Variants in ASTN2 observed in about 807,000 individuals in gnomAD.
ASTN2 encodes astrotactin-2.
A neutral mutation model predicts 139.8 loss-of-function variants in ASTN2; 54 were observed. The ratio of observed to expected loss-of-function variants is 0.39; its 90% CI spans 0.31 to 0.48. ASTN2 has a LOEUF of 0.48. Ranked by LOEUF, ASTN2 falls within the 20% of genes least tolerant of loss-of-function variation. The pLI, the probability that ASTN2 is intolerant of heterozygous loss-of-function variation, is 0.95. For synonymous variants in ASTN2, 756 were observed against 719.5 expected (o/e 1.05, Z -0.81); for missense variants, 1,565 against 1,725.1 (o/e 0.91, Z 1.64).
chr9:117,064,910 T>G (rs1034345173), intron 5 of ASTN2, among the ~76,000 whole-genome samples: 1 of 152,056 alleles, frequency 6.6e-6, no homozygotes, highest in African/African-American at 2.4e-5. Flanking sequence ...GTGGGTTGAA[T>G]TGTGGCTATT....
At chr9:116,478,231 G>C (rs1849053773) in intron 20 of ASTN2, among the ~76,000 whole-genome samples, 1 of 110,488 alleles carries the variant, frequency 9.1e-6, no homozygotes. Flanking sequence ...GGGGAGTAAG[G>C]GGGGAGGGAG....
intron 10 of ASTN2, among the ~76,000 whole-genome samples, chr9:116,933,526 A>C (rs1011359130): frequency 4.6e-5 from 7 of 152,178 alleles, no homozygotes; most frequent in African/African-American, 1.7e-4. Flanking sequence ...TTAAGGAATT[A>C]AACTACAGCA....
intron 1 of ASTN2, among the ~76,000 whole-genome samples, chr9:117,334,086 T>G (rs1390164889): frequency 6.6e-6 from 1 of 152,160 alleles, no homozygotes; most frequent in East Asian, 1.9e-4. Context: ...TTTTCCACAA[T>G]TAACTTGGTT....
At chr9:117,139,589 T>A (rs1404698620) in intron 4 of ASTN2, among the ~76,000 whole-genome samples, 1 of 152,242 alleles carries the variant, frequency 6.6e-6, no homozygotes, top group South Asian at 2.1e-4. Context: ...TTCAAGATTT[T>A]ACAAGATTAA....
intron 19 of ASTN2, among the ~76,000 whole-genome samples, chr9:116,537,670 A>C (rs1471250708): frequency 6.6e-6 from 1 of 152,218 alleles, no homozygotes; most frequent in Non-Finnish European, 1.5e-5. Flanking sequence ...ATTTGGAAAG[A>C]CCATTCACTG....
chr9:117,398,677 G>A (rs1274050769), intron 1 of ASTN2, among the ~76,000 whole-genome samples: 2 of 152,204 alleles, frequency 1.3e-5, no homozygotes, highest in Admixed American at 6.5e-5. Context: ...CAAACTGTTT[G>A]TCATGGCCAC....
chr9:117,234,371 C>T (rs1588116963), intron 2 of ASTN2, among the ~76,000 whole-genome samples: 1 of 152,208 alleles, frequency 6.6e-6, no homozygotes, highest in Non-Finnish European at 1.5e-5. Flanking sequence ...CTCCACGCCT[C>T]TCCAGCGCCA....
At chr9:116,636,753 G>T (rs1309449415) in intron 17 of ASTN2, among the ~76,000 whole-genome samples, 3 of 152,110 alleles carry the variant, frequency 2.0e-5, no homozygotes, top group Non-Finnish European at 4.4e-5. Flanking sequence ...AATCAGTATG[G>T]CCTGGATAAG....
intron 11 of ASTN2, among the ~76,000 whole-genome samples, chr9:116,828,190 G>A (rs902204208): frequency 1.3e-5 from 2 of 151,926 alleles, no homozygotes; most frequent in African/African-American, 4.8e-5. Flanking sequence ...CCAGCTATTC[G>A]GGAGGCTGAG....
intron 10 of ASTN2, among the ~76,000 whole-genome samples, chr9:116,966,825 A>G (rs1242151028): frequency 1.3e-5 from 2 of 152,016 alleles, no homozygotes; most frequent in Admixed American, 6.6e-5. Flanking sequence ...TTCACCTTCC[A>G]CTTGCATAAA....
chr9:117,298,670 G>GTATACATATA (rs1834795698), intron 1 of ASTN2, among the ~76,000 whole-genome samples: 1 of 136,466 alleles, frequency 7.3e-6, no homozygotes, highest in African/African-American at 2.7e-5. Context: ...ATATATATGT[G>GTATACATATA]TATATATATA....
chr9:116,936,504 C>T (rs190972864), intron 10 of ASTN2, among the ~76,000 whole-genome samples: 1 of 152,172 alleles, frequency 6.6e-6, no homozygotes, highest in Non-Finnish European at 1.5e-5. Flanking sequence ...ACTCGATCAG[C>T]AAGTGCTAGT....
At position 116,442,453 on chromosome 9, in the gene ASTN2, C is replaced by T. The variant is rs1299377724; in HGVS notation, c.3598G>A (p.Glu1200Lys). Residue 1200 changes from glutamate to lysine, a missense_variant and splice_region_variant, in exon 21 of 23, where the codon GAA becomes AAA. By Grantham distance (56) the Glu-to-Lys change is moderately conservative (BLOSUM62 1). Coordinates refer to ENST00000313400, the MANE Select transcript of ASTN2 (RefSeq NM_001365068.1). ...GGAGTTGAAAAACTGGGTTACCTAC[C>T]TTCTGCCTTGTTGTCATCTACCAGT... ...CPLVDDNKAE[E>K]IADKIYNLYN... 6.2e-7 allele frequency: 1 copy of T among 1,613,752 alleles called. No homozygotes were observed. The highest frequency in any genetic ancestry group is 1.3e-5 in the African/African-American group (1 of 74,844).
intron 19 of ASTN2, among the ~76,000 whole-genome samples, chr9:116,576,992 T>C (rs62576102): frequency 0.16 from 24,577 of 152,198 alleles, 2,172 homozygotes; most frequent in African/African-American, 0.22. Flanking sequence ...GTTCTTCCTG[T>C]GTGCCAGGAG....
At chr9:117,161,864 C>CTT (rs11388034) in intron 3 of ASTN2, among the ~76,000 whole-genome samples, 18 of 147,158 alleles carry the variant, frequency 1.2e-4, no homozygotes, top group Admixed American at 4.0e-4. Context: ...TTTTCTTTTT[C>CTT]TTTTTTTTTA....
chr9:116,911,642 C>T (rs893293485), intron 10 of ASTN2, among the ~76,000 whole-genome samples: 3 of 152,142 alleles, frequency 2.0e-5, no homozygotes, highest in Admixed American at 6.5e-5. Flanking sequence ...CGGTGGCTCA[C>T]GCTTGTAATC....
At chr9:117,130,768 C>T (rs1829809473) in intron 4 of ASTN2, among the ~76,000 whole-genome samples, 1 of 152,128 alleles carries the variant, frequency 6.6e-6, no homozygotes, top group Non-Finnish European at 1.5e-5. Flanking sequence ...CACATACATA[C>T]ATGTGCAATT....
At chr9:116,513,588 A>G (rs1006581395) in intron 19 of ASTN2, among the ~76,000 whole-genome samples, 1 of 152,212 alleles carries the variant, frequency 6.6e-6, no homozygotes, top group Admixed American at 6.5e-5. Flanking sequence ...ATTATCCTGC[A>G]GAGTGTTTTC....
chr9:117,329,989 AG>A (rs1443485361), intron 1 of ASTN2, among the ~76,000 whole-genome samples: 1 of 152,162 alleles, frequency 6.6e-6, no homozygotes. Context: ...GGACTGAGAG[AG>A]GTTAAGTAGT....
Sources: gnomAD v4.1 joint callset for allele counts (sites outside exome capture counted in the v4.1 genomes callset) on GRCh38, gnomAD v4.1.1 for gene constraint, MANE v1.5 for transcripts, NCBI Gene and HGNC (gene_info 2026-07-23, HGNC 2026-07-21) for gene names.